Variants in MDGA2 observed in about 807,000 individuals in gnomAD.
The protein encoded by MDGA2 is MAM domain containing glycosylphosphatidylinositol anchor 2, also known as MAM domain-containing glycosylphosphatidylinositol anchor protein 2.
In MDGA2, 40 loss-of-function variants were observed where a neutral mutation model predicts 117.8. The ratio of observed to expected loss-of-function variants is 0.34; its 90% CI spans 0.26 to 0.44. The LOEUF is 0.44. MDGA2 is among the 20% of genes least tolerant of loss of function. The pLI is 1.00. For missense variants in MDGA2, 1,123 were observed against 1,250.6 expected (o/e 0.90, Z 1.54); for synonymous variants, 452 against 439.0 (o/e 1.03, Z -0.37).
intron 8 of MDGA2, among the ~76,000 whole-genome samples, chr14:47,002,862 C>T (rs1887580945): frequency 6.6e-6 from 1 of 152,026 alleles, no homozygotes; most frequent in African/African-American, 2.4e-5. Context: ...AAATAAACTA[C>T]ACATATGTAA....
intron 5 of MDGA2, among the ~76,000 whole-genome samples, chr14:47,119,362 G>A (rs866290166): frequency 1.5e-4 from 23 of 152,180 alleles, no homozygotes; most frequent in Middle Eastern, 3.4e-3. Context: ...ACCGGGCCCG[G>A]CCCTACATAT....
At chr14:47,105,907 C>T (rs1364089069) in intron 5 of MDGA2, among the ~76,000 whole-genome samples, 1 of 151,894 alleles carries the variant, frequency 6.6e-6, no homozygotes, top group Admixed American at 6.6e-5. Flanking sequence ...TGCTCCTCCA[C>T]CCTATAATCT....
intron 1 of MDGA2, among the ~76,000 whole-genome samples, chr14:47,470,113 TA>T (rs1196429297): frequency 1.0e-5 from 1 of 96,680 alleles, no homozygotes; most frequent in African/African-American, 3.2e-5. Context: ...TTTATTTATT[TA>T]TTTTTATTTT....
intron 4 of MDGA2, among the ~76,000 whole-genome samples, chr14:47,133,688 C>G (rs1212044968): frequency 6.6e-6 from 1 of 151,976 alleles, no homozygotes; most frequent in Admixed American, 6.6e-5. Context: ...CTGAACTCAA[C>G]ATATCCTAAA....
At chr14:47,651,464 G>C (rs1481548182) in intron 1 of MDGA2, among the ~76,000 whole-genome samples, 1 of 152,086 alleles carries the variant, frequency 6.6e-6, no homozygotes, top group Non-Finnish European at 1.5e-5. Flanking sequence ...GCAGCAGAGT[G>C]GGCAGGGCCA....
intron 1 of MDGA2, among the ~76,000 whole-genome samples, chr14:47,613,501 A>ACACG (rs1555336479): frequency 1.3e-5 from 2 of 151,610 alleles, no homozygotes; most frequent in African/African-American, 2.4e-5. Flanking sequence ...ACACACACAC[A>ACACG]CACACGCACA....
intron 7 of MDGA2, among the ~76,000 whole-genome samples, chr14:47,040,496 A>G (rs1889026125): frequency 6.6e-6 from 1 of 152,130 alleles, no homozygotes; most frequent in Non-Finnish European, 1.5e-5. Context: ...CAAATGTATC[A>G]CTCTGGAAAT....
intron 2 of MDGA2, among the ~76,000 whole-genome samples, chr14:47,246,157 A>G (rs1887231441): frequency 6.6e-6 from 1 of 151,844 alleles, no homozygotes; most frequent in East Asian, 1.9e-4. Context: ...CAACAATTTG[A>G]TTTTATATTT....
chr14:47,672,995 T>C (rs1009919215), intron 1 of MDGA2, among the ~76,000 whole-genome samples: 3 of 151,954 alleles, frequency 2.0e-5, no homozygotes, highest in Admixed American at 6.6e-5. Flanking sequence ...CGAGACAAGT[T>C]GTCTTTCACT....
At chr14:46,890,469 T>C (rs1882838294) in intron 10 of MDGA2, among the ~76,000 whole-genome samples, 2 of 152,138 alleles carry the variant, frequency 1.3e-5, no homozygotes, top group African/African-American at 4.8e-5. Flanking sequence ...TGAAAATAAT[T>C]CCCTATAGTA....
intron 7 of MDGA2, among the ~76,000 whole-genome samples, chr14:47,053,144 T>G (rs540018448): frequency 2.1e-4 from 32 of 152,076 alleles, no homozygotes; most frequent in African/African-American, 5.3e-4. Context: ...TTTTTTCTAC[T>G]CAAATTAGAG....
At chr14:46,862,076 A>G (rs966435356) in intron 14 of MDGA2, among the ~76,000 whole-genome samples, 1 of 152,064 alleles carries the variant, frequency 6.6e-6, no homozygotes, top group Non-Finnish European at 1.5e-5. Context: ...TTTAGTAGAC[A>G]TCAGATACCA....
chr14:47,219,804 T>A (rs1200563264), intron 2 of MDGA2, among the ~76,000 whole-genome samples: 1 of 152,086 alleles, frequency 6.6e-6, no homozygotes, highest in African/African-American at 2.4e-5. Flanking sequence ...AATAGTCTCG[T>A]CTGTGTAAAA....
chr14:46,889,929 A>G (rs1474834006), intron 10 of MDGA2, among the ~76,000 whole-genome samples: 1 of 152,026 alleles, frequency 6.6e-6, no homozygotes, highest in African/African-American at 2.4e-5. Flanking sequence ...GCCTTTTATC[A>G]GGGAATATAG....
chr14:47,124,121 T>C (rs1411467093), intron 5 of MDGA2, among the ~76,000 whole-genome samples: 6 of 152,062 alleles, frequency 3.9e-5, no homozygotes, highest in Non-Finnish European at 8.8e-5. Context: ...AAAGCACCCA[T>C]ATTTCCAATA....
intron 1 of MDGA2, among the ~76,000 whole-genome samples, chr14:47,579,869 A>C (rs1896196145): frequency 6.6e-6 from 1 of 152,096 alleles, no homozygotes; most frequent in Admixed American, 6.6e-5. Context: ...ATTTTTTAAA[A>C]AGTGATAGCA....
intron 1 of MDGA2, among the ~76,000 whole-genome samples, chr14:47,469,035 T>C (rs1262936211): frequency 6.6e-6 from 1 of 152,142 alleles, no homozygotes; most frequent in Non-Finnish European, 1.5e-5. Flanking sequence ...CAAAGAAATA[T>C]GAAAATTATA....
At chr14:46,862,515 C>G (rs1881553004) in intron 14 of MDGA2, among the ~76,000 whole-genome samples, 1 of 150,296 alleles carries the variant, frequency 6.7e-6, no homozygotes, top group African/African-American at 2.4e-5. Context: ...AATTATTGTA[C>G]TATAAATATG....
At chr14:47,656,158 G>A (rs1177406243) in intron 1 of MDGA2, among the ~76,000 whole-genome samples, 1 of 152,170 alleles carries the variant, frequency 6.6e-6, no homozygotes, top group Non-Finnish European at 1.5e-5. Context: ...TGTCAGCCAA[G>A]TCATAAGATC....
Sources: allele counts gnomAD v4.1 joint callset (sites outside exome capture counted in the v4.1 genomes callset), GRCh38; gene constraint gnomAD v4.1.1; transcripts MANE v1.5; gene names NCBI Gene and HGNC (gene_info 2026-07-23, HGNC 2026-07-21).